Variants in GRID2 observed in about 807,000 individuals in gnomAD.
The protein encoded by GRID2 is glutamate receptor ionotropic, delta-2.
A neutral mutation model predicts 114.8 loss-of-function variants in GRID2; 33 were observed. That is an observed-to-expected ratio of 0.29 (90% CI 0.22 to 0.38). GRID2 has a LOEUF of 0.38. GRID2 is among the 10% of genes least tolerant of loss of function. The pLI, the probability that GRID2 is intolerant of heterozygous loss-of-function variation, is 1.00. For missense variants in GRID2, 1,184 were observed against 1,257.7 expected (o/e 0.94, Z 0.89); for synonymous variants, 505 against 449.9 (o/e 1.12, Z -1.55).
chr4:92,935,752 G>A (rs1750621976), intron 2 of GRID2, among the ~76,000 whole-genome samples: 1 of 146,280 alleles, frequency 6.8e-6, no homozygotes, highest in South Asian at 2.3e-4. Flanking sequence ...GGATGAAATT[G>A]GAAATTATCA....
intron 2 of GRID2, among the ~76,000 whole-genome samples, chr4:92,750,165 C>G (rs539008003): frequency 6.6e-6 from 1 of 152,206 alleles, no homozygotes; most frequent in African/African-American, 2.4e-5. Context: ...CTGGCCCGGG[C>G]GCCTCACATT....
intron 13 of GRID2, among the ~76,000 whole-genome samples, chr4:93,582,207 C>G (rs566790537): frequency 1.4e-4 from 22 of 152,232 alleles, no homozygotes; most frequent in African/African-American, 5.3e-4. Flanking sequence ...CTACAAGTCA[C>G]CTACATTTCT....
At chr4:93,386,629 G>A (rs766145634) in intron 8 of GRID2, among the ~76,000 whole-genome samples, 10 of 152,084 alleles carry the variant, frequency 6.6e-5, no homozygotes, top group African/African-American at 2.4e-4. Flanking sequence ...CCTACAAATG[G>A]CACCACGCAA....
At chr4:93,415,216 C>T (rs923970391) in intron 9 of GRID2, among the ~76,000 whole-genome samples, 2 of 152,078 alleles carry the variant, frequency 1.3e-5, no homozygotes, top group African/African-American at 4.8e-5. Flanking sequence ...CTCCTTACAG[C>T]TGCAATATGT....
intron 2 of GRID2, among the ~76,000 whole-genome samples, 189 bp from the exon 3 acceptor site, chr4:93,084,806 A>G (rs1231523848): frequency 6.6e-6 from 1 of 152,238 alleles, no homozygotes; most frequent in Non-Finnish European, 1.5e-5. Flanking sequence ...CATAGATAAT[A>G]AGAGCAGAAT....
At chr4:92,603,899 A>G (rs1008637973) in intron 2 of GRID2, among the ~76,000 whole-genome samples, 15 of 151,878 alleles carry the variant, frequency 9.9e-5, no homozygotes, top group African/African-American at 3.4e-4. Context: ...CTCAAAAATA[A>G]AATAAAAAAA....
intron 2 of GRID2, among the ~76,000 whole-genome samples, chr4:92,621,957 A>T (rs2149239075): frequency 6.6e-6 from 1 of 151,956 alleles, no homozygotes; most frequent in Non-Finnish European, 1.5e-5. Context: ...AAAGGAGCTA[A>T]AGAGGAGAAA....
intron 2 of GRID2, among the ~76,000 whole-genome samples, chr4:92,686,633 A>C: frequency 6.6e-6 from 1 of 152,116 alleles, no homozygotes; most frequent in East Asian, 1.9e-4. Flanking sequence ...CATCAAGTTA[A>C]GATAAATATA....
intron 2 of GRID2, among the ~76,000 whole-genome samples, chr4:93,019,402 T>A (rs773898966): frequency 2.0e-5 from 3 of 152,094 alleles, no homozygotes; most frequent in Non-Finnish European, 4.4e-5. Context: ...GGGCCTGAAG[T>A]TTTTCAAGTT....
Position 93,238,323 on chromosome 4 carries a change from A to T in GRID2, c.1126-48A>T, listed in dbSNP as rs767969222. ...AAGTTCCTTTTATGTTTATTTATTT[A>T]TTTTTTTACTTCTCAAATTTTACAT... On this transcript the variant is annotated intron_variant, in intron 7 of 15. Transcript: ENST00000282020. 22 of 1,404,790 alleles carry T rather than the reference A, an allele frequency of 1.6e-5. No homozygotes were observed. The African/African-American group carries it at 2.3e-4, about 15-fold the overall frequency. The allele number at this position is 1,404,790 out of a possible 1,614,324, so 87.0% of individuals were successfully genotyped here.
intron 2 of GRID2, among the ~76,000 whole-genome samples, chr4:92,725,595 G>A (rs1736030414): frequency 6.6e-6 from 1 of 152,088 alleles, no homozygotes; most frequent in Non-Finnish European, 1.5e-5. Flanking sequence ...TGTCAAGGAA[G>A]CGTCAGTTTG....
chr4:92,494,478 G>A (rs1463802001), intron 1 of GRID2, among the ~76,000 whole-genome samples: 1 of 151,888 alleles, frequency 6.6e-6, no homozygotes, highest in Non-Finnish European at 1.5e-5. Context: ...CATGTCACAT[G>A]AGAAAAATAA....
chr4:93,481,083 G>T (rs535720456), intron 11 of GRID2, among the ~76,000 whole-genome samples: 1 of 152,144 alleles, frequency 6.6e-6, no homozygotes, highest in South Asian at 2.1e-4. Flanking sequence ...TGCCCTAATA[G>T]ATACTTAATG....
chr4:92,766,212 T>C (rs577826977), intron 2 of GRID2, among the ~76,000 whole-genome samples: 1 of 152,200 alleles, frequency 6.6e-6, no homozygotes, highest in South Asian at 2.1e-4. Context: ...AGGATTCTTT[T>C]TGAAGACCTG....
chr4:92,322,862 G>GA (rs1726388287), intron 1 of GRID2, among the ~76,000 whole-genome samples: 2 of 151,996 alleles, frequency 1.3e-5, no homozygotes, highest in South Asian at 2.1e-4. Context: ...ACAGGCAGCA[G>GA]AAAAAAGGAC....
intron 8 of GRID2, among the ~76,000 whole-genome samples, chr4:93,247,747 T>C (rs1748368337): frequency 6.6e-6 from 1 of 151,512 alleles, no homozygotes; most frequent in Non-Finnish European, 1.5e-5. Flanking sequence ...TATATTTATA[T>C]TTAAATATAT....
intron 1 of GRID2, among the ~76,000 whole-genome samples, chr4:92,371,232 GA>G (rs1729102164): frequency 6.6e-6 from 1 of 152,162 alleles, no homozygotes; most frequent in African/African-American, 2.4e-5. Flanking sequence ...AGGTTATCCA[GA>G]AGACATAGCT....
At chr4:92,777,501 T>A (rs188393508) in intron 2 of GRID2, among the ~76,000 whole-genome samples, 61 of 152,180 alleles carry the variant, frequency 4.0e-4, no homozygotes, top group Middle Eastern at 3.4e-3. Flanking sequence ...TACTACTACT[T>A]TTCTTTTTAG....
chr4:93,495,343 A>C (rs953675494), intron 12 of GRID2, among the ~76,000 whole-genome samples: 1 of 151,752 alleles, frequency 6.6e-6, no homozygotes, highest in East Asian at 1.9e-4. Flanking sequence ...CTTGGTCTAC[A>C]TTTTGAAAAG....
Sources: allele counts gnomAD v4.1 joint callset (sites outside exome capture counted in the v4.1 genomes callset), GRCh38; gene constraint gnomAD v4.1.1; transcripts MANE v1.5; gene names NCBI Gene and HGNC (gene_info 2026-07-23, HGNC 2026-07-21).